Variants in MAF observed in about 807,000 individuals in gnomAD.
MAF encodes transcription factor Maf.
A neutral mutation model predicts 22.0 loss-of-function variants in MAF; 10 were observed. That is an observed-to-expected ratio of 0.45 (90% CI 0.28 to 0.77). MAF has a LOEUF of 0.77. MAF is among the 30% of genes least tolerant of loss of function. The pLI, the probability that MAF is intolerant of heterozygous loss-of-function variation, is 0.12. For synonymous variants in MAF, 337 were observed against 255.8 expected (o/e 1.32, Z -3.03); for missense variants, 544 against 548.4 (o/e 0.99, Z 0.08).
At chr16:79,294,770 G>A in the MAF span, among the ~76,000 whole-genome samples, 142 of 152,302 alleles carry the variant, frequency 9.3e-4, 1 homozygote, top group Non-Finnish European at 5.6e-4. Flanking sequence ...TGGTTGCACA[G>A]GGCCAACTCT....
chr16:79,597,993 G>C (rs1913659777), intron 1 of MAF: 3 of 1,041,270 alleles, frequency 2.9e-6, no homozygotes, highest in Non-Finnish European at 3.5e-6. Flanking sequence ...GGTTGATGCA[G>C]GCTTGATTGT....
At chr16:79,413,704 G>C in the MAF span, among the ~76,000 whole-genome samples, 1 of 152,104 alleles carries the variant, frequency 6.6e-6, no homozygotes, top group African/African-American at 2.4e-5. Flanking sequence ...TGTGGGATCA[G>C]GTGCCTGAAA....
the MAF span, among the ~76,000 whole-genome samples, chr16:79,453,273 A>T: frequency 1.3e-5 from 2 of 152,154 alleles, no homozygotes; most frequent in South Asian, 4.1e-4. Flanking sequence ...CTCCCCTGCC[A>T]GTATCATATT....
At chr16:79,469,182 G>A in the MAF span, among the ~76,000 whole-genome samples, 2 of 152,140 alleles carry the variant, frequency 1.3e-5, no homozygotes, top group Admixed American at 1.3e-4. Flanking sequence ...AGTTTTATTG[G>A]AACATAGCCA....
the MAF span, among the ~76,000 whole-genome samples, chr16:79,295,436 T>G: frequency 6.6e-6 from 1 of 152,180 alleles, no homozygotes; most frequent in Non-Finnish European, 1.5e-5. Context: ...AAAGCCAGAT[T>G]GGTTACAGCT....
chr16:79,294,713 G>A, the MAF span, among the ~76,000 whole-genome samples: 4,012 of 152,270 alleles, frequency 0.026, 169 homozygotes, highest in African/African-American at 0.091. Flanking sequence ...TAGATAGTGG[G>A]AGAAGGAGGA....
the MAF span, among the ~76,000 whole-genome samples, chr16:79,359,827 A>G: frequency 6.6e-6 from 1 of 152,258 alleles, no homozygotes; most frequent in Non-Finnish European, 1.5e-5. Context: ...AGCTGGGGAC[A>G]GTGATGATGA....
chr16:79,453,873 G>A, the MAF span, among the ~76,000 whole-genome samples: 1 of 152,072 alleles, frequency 6.6e-6, no homozygotes, highest in African/African-American at 2.4e-5. Context: ...TAAACACACT[G>A]AATGTATGTG....
the MAF span, among the ~76,000 whole-genome samples, chr16:79,498,812 G>T: frequency 6.6e-6 from 1 of 152,248 alleles, no homozygotes; most frequent in African/African-American, 2.4e-5. Context: ...GAAAGCTAAG[G>T]ATACTCTGGT....
the MAF span, among the ~76,000 whole-genome samples, chr16:79,423,523 A>C: frequency 7.9e-5 from 12 of 152,230 alleles, no homozygotes; most frequent in African/African-American, 2.7e-4. Flanking sequence ...GGTGAACTAC[A>C]GCCTGTGGGC....
At chr16:79,444,607 G>T in the MAF span, among the ~76,000 whole-genome samples, 1 of 152,214 alleles carries the variant, frequency 6.6e-6, no homozygotes, top group Admixed American at 6.5e-5. Context: ...ATCATTGTGA[G>T]AAGATTCGGG....
the MAF span, among the ~76,000 whole-genome samples, chr16:79,365,851 T>C: frequency 3.3e-5 from 5 of 152,336 alleles, no homozygotes; most frequent in East Asian, 9.7e-4. Context: ...CAAGGAAGAA[T>C]GTTAAGACAA....
the MAF span, among the ~76,000 whole-genome samples, chr16:79,518,381 A>G: frequency 6.6e-6 from 1 of 152,224 alleles, no homozygotes; most frequent in African/African-American, 2.4e-5. Context: ...TGGCTGGAGA[A>G]GTCATTAACA....
chr16:79,272,646 G>C, the MAF span, among the ~76,000 whole-genome samples: 136,164 of 152,296 alleles, frequency 0.89, 61,236 homozygotes, highest in East Asian at 1. Flanking sequence ...AGAGAAGACC[G>C]TAAAGCACAC....
the MAF span, chr16:79,212,416 C>A: frequency 5.3e-6 from 2 of 375,548 alleles, no homozygotes; most frequent in Non-Finnish European, 4.8e-6. Flanking sequence ...GACTCCTTTG[C>A]TAATGCTATG....
the MAF span, among the ~76,000 whole-genome samples, chr16:79,254,671 C>T: frequency 6.6e-6 from 1 of 152,128 alleles, no homozygotes; most frequent in African/African-American, 2.4e-5. Flanking sequence ...TCTGGGATCT[C>T]GGTTCCTGGA....
At chr16:79,420,338 G>C in the MAF span, among the ~76,000 whole-genome samples, 1 of 152,320 alleles carries the variant, frequency 6.6e-6, no homozygotes, top group Admixed American at 6.5e-5. Flanking sequence ...AGCGACGGCA[G>C]ACAAAACAAC....
chr16:79,283,980 A>AAG, the MAF span, among the ~76,000 whole-genome samples: 2 of 79,322 alleles, frequency 2.5e-5, no homozygotes, highest in African/African-American at 1.0e-4. Context: ...AAAAAAAAAA[A>AAG]AAAAAGACAA....
Position 79,587,612 on chromosome 16 carries a change from GA to G in MAF, c.1119-1672del. Among the ~76,000 whole-genome samples the G allele has an allele frequency of 2.0e-5, 3 of 152,106 alleles. 1 individual carries two copies. The highest frequency in any genetic ancestry group is 2.0e-4 in the Admixed American group (3 of 15,290). On this transcript the variant is annotated intron_variant, in intron 1 of 1. Coordinates refer to the MAF transcript ENST00000569649. ...ACTTGTGAGGCATTTTTCAATTTTAGAAAATTATTACAGAGCAATAATTGGA... is the reference window on the plus strand; with the variant it reads ...ACTTGTGAGGCATTTTTCAATTTTAGAAATTATTACAGAGCAATAATTGGA...
Sources: allele counts gnomAD v4.1 joint callset (sites outside exome capture counted in the v4.1 genomes callset), GRCh38; gene constraint gnomAD v4.1.1; transcripts MANE v1.5; gene names NCBI Gene and HGNC (gene_info 2026-07-23, HGNC 2026-07-21).